Variants in THSD7A observed in about 807,000 individuals in gnomAD.
THSD7A encodes the protein thrombospondin type 1 domain containing 7A.
Under a neutral mutation model 231.3 loss-of-function variants are expected in THSD7A, and 96 were observed. The observed-to-expected ratio is 0.41, with a 90% CI of 0.35 to 0.49. The LOEUF (loss-of-function observed/expected upper bound fraction) is 0.49, where lower values mean the gene tolerates loss of function less well. THSD7A is among the 20% of genes least tolerant of loss of function. THSD7A has a pLI of 0.05. For missense variants in THSD7A, 2,290 were observed against 2,070.2 expected, an observed-to-expected ratio of 1.11 and a Z score of -2.06; for synonymous variants, 940 against 743.3, an observed-to-expected ratio of 1.26 and a Z score of -4.30.
chr7:11,792,431 A>G (rs976809127), intron 1 of THSD7A, among the ~76,000 whole-genome samples: 1 of 151,938 alleles, frequency 6.6e-6, no homozygotes, highest in African/African-American at 2.4e-5. Flanking sequence ...GCCAAGCTCT[A>G]TCTTCCTGAG....
chr7:11,730,823 G>A (rs1332028432), intron 1 of THSD7A, among the ~76,000 whole-genome samples: 10 of 151,408 alleles, frequency 6.6e-5, no homozygotes. Flanking sequence ...TTAATCCACT[G>A]ATTGTTCCTC....
intron 1 of THSD7A, among the ~76,000 whole-genome samples, chr7:11,795,094 A>T (rs1454889831): frequency 1.3e-5 from 2 of 151,930 alleles, no homozygotes; most frequent in Non-Finnish European, 2.9e-5. Context: ...ATTATATTTT[A>T]ACAGAACGTC....
chr7:11,459,860 G>A (rs1360644209), intron 11 of THSD7A, among the ~76,000 whole-genome samples: 1 of 151,750 alleles, frequency 6.6e-6, no homozygotes. Flanking sequence ...AGCAAAATAC[G>A]TTTTTTATAA....
intron 1 of THSD7A, among the ~76,000 whole-genome samples, chr7:11,685,680 C>A (rs1051779984): frequency 6.6e-6 from 1 of 151,888 alleles, no homozygotes; most frequent in Non-Finnish European, 1.5e-5. Flanking sequence ...TATACCATCT[C>A]ATACCAGTCA....
chr7:11,703,748 G>A (rs1163704020), intron 1 of THSD7A, among the ~76,000 whole-genome samples: 1 of 151,120 alleles, frequency 6.6e-6, no homozygotes, highest in Admixed American at 6.6e-5. Flanking sequence ...CTAATGCGCT[G>A]ATCAAATAGA....
chr7:11,477,734 G>A (rs1786251943), intron 7 of THSD7A, among the ~76,000 whole-genome samples: 1 of 152,090 alleles, frequency 6.6e-6, no homozygotes, highest in Non-Finnish European at 1.5e-5. Context: ...TATTGCAGCT[G>A]TGGAATCAGC....
intron 1 of THSD7A, among the ~76,000 whole-genome samples, chr7:11,749,232 G>A (rs1782418442): frequency 6.6e-6 from 1 of 151,942 alleles, no homozygotes; most frequent in South Asian, 2.1e-4. Context: ...TCAGGGTCAA[G>A]GAGTTTCAGT....
At chr7:11,652,561 G>A (rs1327773947) in intron 1 of THSD7A, among the ~76,000 whole-genome samples, 2 of 151,788 alleles carry the variant, frequency 1.3e-5, no homozygotes, top group Non-Finnish European at 2.9e-5. Context: ...TCCAACATGC[G>A]AATTGGTATG....
intron 1 of THSD7A, among the ~76,000 whole-genome samples, chr7:11,827,076 T>G (rs1175753873): frequency 6.6e-6 from 1 of 152,186 alleles, no homozygotes; most frequent in Non-Finnish European, 1.5e-5. Flanking sequence ...TAGTCATGGT[T>G]GACTGTAAAC....
At chr7:11,483,395 A>G (rs1192725473) in intron 6 of THSD7A, among the ~76,000 whole-genome samples, 1 of 152,176 alleles carries the variant, frequency 6.6e-6, no homozygotes, top group Non-Finnish European at 1.5e-5. Context: ...CATTAGACTT[A>G]CTCACTAGTA....
chr7:11,519,262 G>T (rs559516244), intron 6 of THSD7A, among the ~76,000 whole-genome samples: 1 of 152,086 alleles, frequency 6.6e-6, no homozygotes, highest in Non-Finnish European at 1.5e-5. Flanking sequence ...ACTGCCCCGC[G>T]CCATCACAAC....
At chr7:11,582,662 G>A (rs913717042) in intron 4 of THSD7A, among the ~76,000 whole-genome samples, 1 of 152,120 alleles carries the variant, frequency 6.6e-6, no homozygotes, top group African/African-American at 2.4e-5. Context: ...TTGAAAGTTA[G>A]GTAGCTGGGT....
In THSD7A at chr7:11,590,242, G is replaced by A. The variant is rs920285783; in HGVS notation, c.1453+218C>T. 6.6e-6 allele frequency among the ~76,000 whole-genome samples: 1 copy of A among 152,158 alleles called. No individual in the cohort carries two copies. The highest frequency in any genetic ancestry group is 2.4e-5 in the African/African-American group (1 of 41,442). Reference sequence around the variant, plus strand: ...AAGGCCTTTAAGTCAAAATTTTAAAGAAACTTGTCAGTAAACCAGAACTGA... The same window carrying A: ...AAGGCCTTTAAGTCAAAATTTTAAAAAAACTTGTCAGTAAACCAGAACTGA... On this transcript the variant is annotated intron_variant, in intron 4 of 27. Coordinates refer to ENST00000423059, the MANE Select transcript of THSD7A (RefSeq NM_015204.3). This position sits in a 1 kb window ranked among gnomAD's most constrained non-coding sequence, Gnocchi z 4.4.
At chr7:11,567,019 T>C (rs925901433) in intron 4 of THSD7A, among the ~76,000 whole-genome samples, 9 of 149,294 alleles carry the variant, frequency 6.0e-5, no homozygotes, top group Non-Finnish European at 1.0e-4. Context: ...TGTTTATCTC[T>C]AAGGACCAGC....
At chr7:11,484,218 C>G (rs1346899026) in intron 6 of THSD7A, among the ~76,000 whole-genome samples, 1 of 152,092 alleles carries the variant, frequency 6.6e-6, no homozygotes, top group East Asian at 1.9e-4. Flanking sequence ...ATCCCCAACC[C>G]TTCCAGGTAT....
At chr7:11,797,797 T>C (rs1249309725) in intron 1 of THSD7A, among the ~76,000 whole-genome samples, 1 of 152,162 alleles carries the variant, frequency 6.6e-6, no homozygotes. Flanking sequence ...TAAATAAAAA[T>C]CTGACATCAT....
Position 11,590,762 on chromosome 7 carries a change from G to T in THSD7A, c.1272-121C>A. The T allele has an allele frequency of 1.8e-6, 2 of 1,139,536 alleles. No individual in the cohort carries two copies. Among genetic ancestry groups the T allele is most frequent in the East Asian group, 2.6e-5 (1 of 37,892 alleles). 70.6% of individuals were successfully genotyped at this position (1,139,536 alleles called of 1,614,324 possible). A position where few individuals can be genotyped will look rare whatever the true frequency, so the allele number is the denominator to read the frequency against. ...AAATCATTTTCCTAGAGAATCCATC[G>T]TAGACTACATCTATGGTGCATATTT... is the stretch of plus-strand genomic sequence containing the variant. On this transcript the variant is annotated intron_variant, in intron 3 of 27. Coordinates refer to ENST00000423059, the MANE Select transcript of THSD7A (RefSeq NM_015204.3). The surrounding 1 kb of genome is among the most constrained non-coding windows in gnomAD (Gnocchi z 4.4).
intron 3 of THSD7A, among the ~76,000 whole-genome samples, chr7:11,591,875 G>A (rs548565879): frequency 2.0e-5 from 3 of 152,108 alleles, no homozygotes; most frequent in Non-Finnish European, 2.9e-5. Context: ...TTTAGGTCAC[G>A]CCAAAAAGTC....
chr7:11,799,124 T>C (rs1322610381), intron 1 of THSD7A, among the ~76,000 whole-genome samples: 1 of 152,166 alleles, frequency 6.6e-6, no homozygotes, highest in Non-Finnish European at 1.5e-5. Context: ...GGTTTCACCA[T>C]GTTGGCCAGG....
Sources: allele counts gnomAD v4.1 joint callset (sites outside exome capture counted in the v4.1 genomes callset), GRCh38; gene constraint gnomAD v4.1.1; non-coding constraint Gnocchi (gnomAD v3.1); transcripts MANE v1.5; gene names NCBI Gene and HGNC (gene_info 2026-07-23, HGNC 2026-07-21).